The following VKORC1 variants were observed in gnomAD, a reference collection of about 807,000 sequenced individuals.
VKORC1 encodes vitamin K epoxide reductase complex subunit 1, also known as phylloquinone epoxide reductase.
In VKORC1, 12 loss-of-function variants were observed where a neutral mutation model predicts 14.8. That is an observed-to-expected ratio of 0.81 (90% CI 0.52 to 1.31). The LOEUF is 1.31. Ranked by LOEUF, VKORC1 falls within the 50% of genes most tolerant of loss-of-function variation. The probability of loss-of-function intolerance (pLI) is 0.00; values close to 1 mark genes in which losing one functional copy is unlikely to be tolerated. For missense variants in VKORC1, 223 were observed against 215.3 expected (o/e 1.04, Z -0.22); for synonymous variants, 94 against 92.5 (o/e 1.02, Z -0.09).
At chr16:31,094,478 G>T (rs975503267) in intron 1 of VKORC1, 79 bp downstream of exon 1, 2 of 1,612,798 alleles carry the variant, frequency 1.2e-6, no homozygotes, top group Non-Finnish European at 1.7e-6. Flanking sequence ...CGGGCACACC[G>T]ATCCCAGACT....
In VKORC1 at chr16:31,094,654, C is replaced by T. The variant is rs770703948; in HGVS notation, c.76G>A (p.Ala26Thr). 2 of 1,607,484 alleles carry T rather than the reference C, an allele frequency of 1.2e-6. No homozygotes were observed. The highest frequency in any genetic ancestry group is 1.3e-5 in the African/African-American group (1 of 75,012). Reference sequence around the variant, plus strand: ...GCGCGCGCCGCCTTCACGTGCAGCGCGTAGAGCGAGAGCACTAAGCCCGTC... The same window carrying T: ...GCGCGCGCCGCCTTCACGTGCAGCGTGTAGAGCGAGAGCACTAAGCCCGTC... Reference protein sequence around the residue: ...CLTGLVLSLYALHVKAARARD... With the variant: ...CLTGLVLSLYTLHVKAARARD... Residue 26 changes from alanine to threonine, a missense_variant, in exon 1 of 3, where the codon GCG becomes ACG. Coordinates refer to ENST00000394975, the MANE Select transcript of VKORC1 (RefSeq NM_024006.6).
chr16:31,093,827 C>T (rs910020440), intron 1 of VKORC1: 2 of 267,406 alleles, frequency 7.5e-6, no homozygotes, highest in Non-Finnish European at 1.4e-5. Flanking sequence ...CTGCCTTAGC[C>T]CCCCCGAGTA....
Position 31,093,337 on chromosome 16 carries a change from G to T in VKORC1, c.258C>A (p.Ile86=). The change falls in exon 2 of 3, where the codon ATC becomes ATA. Residue 86 remains isoleucine (I), a synonymous_variant. Coordinates refer to ENST00000394975, the MANE Select transcript of VKORC1 (RefSeq NM_024006.6). ...LNQSNSIFGC[I]FYTLQLLLGC... Reference sequence around the variant, plus strand: ...CTAACAATAGCTGTAGTGTGTAGAAGATGCAACCGAATATGCTGTTGGATT... The same window carrying T: ...CTAACAATAGCTGTAGTGTGTAGAATATGCAACCGAATATGCTGTTGGATT... 6.2e-7 allele frequency: 1 copy of T among 1,614,074 alleles called. No individual in the cohort carries two copies. Among genetic ancestry groups the T allele is most frequent in the South Asian group, 1.1e-5 (1 of 91,080 alleles).
rs774078258 is a variant in VKORC1, at chr16:31,094,618, C to A, written c.112G>T (p.Asp38Tyr). The A allele has an allele frequency of 1.9e-6, 3 of 1,607,138 alleles. No individual in the cohort carries two copies. The highest frequency in any genetic ancestry group is 2.2e-5 in the East Asian group (1 of 44,676). The change falls in exon 1 of 3, where the codon GAT (aspartate) becomes TAT (tyrosine). Residue 38 changes from aspartate (D) to tyrosine (Y), a missense_variant. Physicochemically the swap from Asp to Tyr is radical, Grantham distance 160 (BLOSUM62 -3). Coordinates refer to ENST00000394975, the MANE Select transcript of VKORC1 (RefSeq NM_024006.6). ...CCCACGTCGCAGAGCGCGCGGTAAT[C>A]CCGGTCCCGGGCGCGCGCCGCCTTC... ...HVKAARARDRDYRALCDVGTA... is the reference protein window; with the variant it reads ...HVKAARARDRYYRALCDVGTA...
rs1275211654 is a variant in VKORC1 at position 31,092,242 on chromosome 16, C to T, written c.284-900G>A. Among the ~76,000 whole-genome samples the T allele has an allele frequency of 2.1e-5, 3 of 141,620 alleles. 1 individual carries two copies. Among genetic ancestry groups the T allele is most frequent in the Non-Finnish European group, 4.6e-5 (3 of 65,822 alleles). The allele number at this position is 141,620 out of a possible 152,430, so 92.9% of individuals were successfully genotyped here. ...AGTGACATGCCTATAGTCCTAGCTA[C>T]TCAGGAGGATCGCTTGAGCCAGGTT... On this transcript the variant is annotated intron_variant, in intron 2 of 2. Transcript: ENST00000394975.
chr16:31,093,699 C>CTCT (rs1292697451), intron 1 of VKORC1: 3 of 68,080 alleles, frequency 4.4e-5, no homozygotes, highest in Admixed American at 2.4e-4. Context: ...AAGTAAGTCT[C>CTCT]TTTTTTTTTT....
At chr16:31,094,492 G>C in intron 1 of VKORC1, 65 bp downstream of exon 1, 1 of 1,612,862 alleles carries the variant, frequency 6.2e-7, no homozygotes, top group Admixed American at 1.7e-5. Context: ...CCAGACTCCA[G>C]AATAATCATC....
intron 2 of VKORC1, among the ~76,000 whole-genome samples, 185 bp downstream of exon 2, chr16:31,093,127 C>T (rs1237533705): frequency 6.6e-6 from 1 of 152,106 alleles, no homozygotes; most frequent in Non-Finnish European, 1.5e-5. Context: ...TCTAACAGTA[C>T]TTAAACCAAT....
At chr16:31,093,284 CG>C (rs1344770478) in intron 2 of VKORC1, 27 bp downstream of exon 2, 3 of 1,019,850 alleles carry the variant, frequency 2.9e-6, no homozygotes, top group Non-Finnish European at 2.4e-6. Flanking sequence ...CGGGGCGGGG[CG>C]GGCAGGGAGG....
intron 1 of VKORC1, chr16:31,094,078 G>T (rs2057310665): frequency 7.7e-7 from 1 of 1,299,022 alleles, no homozygotes; most frequent in Non-Finnish European, 1.1e-6. Flanking sequence ...GGAGTCGGGG[G>T]CAGATTATCT....
At chr16:31,094,262 A>T (rs779628631) in intron 1 of VKORC1, 1 of 1,612,392 alleles carries the variant, frequency 6.2e-7, no homozygotes, top group South Asian at 1.1e-5. Context: ...GACCATCGTC[A>T]ATCTCTACCG....
At position 31,090,860 on chromosome 16, in the gene VKORC1, A is replaced by G; in HGVS notation, c.*274T>C. 2 of 501,432 alleles carry G rather than the reference A, an allele frequency of 4.0e-6. No individual in the cohort carries two copies. The highest frequency in any genetic ancestry group is 7.2e-6 in the Non-Finnish European group (2 of 277,920). 31.1% of individuals were successfully genotyped at this position (501,432 alleles called of 1,614,324 possible). On this transcript the variant is annotated 3_prime_UTR_variant, in exon 3 of 3. Transcript: ENST00000394975. ...CACATGGTTCAGACTTGGCTGATTG[A>G]TCTAAGAAACTTTATTGCTCAGAAC... is the stretch of plus-strand genomic sequence containing the variant.
At chr16:31,094,525 C>A in intron 1 of VKORC1, 32 bp downstream of exon 1, 3 of 1,612,412 alleles carry the variant, frequency 1.9e-6, no homozygotes, top group Non-Finnish European at 2.5e-6. Context: ...CGCCCTGCTC[C>A]GAGGCCCCAC....
intron 1 of VKORC1, chr16:31,093,762 A>T (rs1316300986): frequency 3.3e-5 from 8 of 245,868 alleles, no homozygotes; most frequent in Admixed American, 1.6e-4. Context: ...GCTGGAGTGC[A>T]GTGGCGCGAT....
At chr16:31,094,502 C>T in intron 1 of VKORC1, 55 bp downstream of exon 1, 1 of 1,612,742 alleles carries the variant, frequency 6.2e-7, no homozygotes, top group Non-Finnish European at 8.5e-7. Flanking sequence ...GAATAATCAT[C>T]TGGCATCCTG....
chr16:31,094,204 G>C, intron 1 of VKORC1: 1 of 1,595,168 alleles, frequency 6.3e-7, no homozygotes, highest in Non-Finnish European at 8.6e-7. Context: ...CCTTGTTCCT[G>C]GGCGCAGCCA....
chr16:31,093,701 T>C (rs1275054594), intron 1 of VKORC1: 44 of 293,270 alleles, frequency 1.5e-4, no homozygotes, highest in East Asian at 7.0e-5. Flanking sequence ...GTAAGTCTCT[T>C]TTTTTTTTTT....
intron 1 of VKORC1, chr16:31,094,271 C>A (rs748589816): frequency 1.9e-6 from 3 of 1,612,664 alleles, no homozygotes; most frequent in East Asian, 2.2e-5. Flanking sequence ...CAATCTCTAC[C>A]GCCATCCTGC....
intron 1 of VKORC1, 39 bp from the exon 2 acceptor site, chr16:31,093,460 C>T (rs778391072): frequency 4.3e-6 from 7 of 1,614,012 alleles, no homozygotes; most frequent in East Asian, 2.2e-5. Flanking sequence ...CAGGTTAGGA[C>T]TGTCAACCCA....
Sources: gnomAD v4.1 joint callset for allele counts (sites outside exome capture counted in the v4.1 genomes callset) on GRCh38, gnomAD v4.1.1 for gene constraint, MANE v1.5 for transcripts, NCBI Gene and HGNC (gene_info 2026-07-23, HGNC 2026-07-21) for gene names.